Variants in GABRA4 observed in about 807,000 individuals in gnomAD.
GABRA4 encodes the protein gamma-aminobutyric acid receptor subunit alpha-4.
In GABRA4, 12 loss-of-function variants were observed where a neutral mutation model predicts 49.7. The ratio of observed to expected loss-of-function variants is 0.24; its 90% CI spans 0.15 to 0.39. GABRA4 has a LOEUF of 0.39. Among genes scored for constraint, GABRA4 ranks in the 10% least tolerant of loss-of-function variants. The pLI is 1.00. For missense variants in GABRA4, 506 were observed against 686.0 expected (o/e 0.74, Z 2.93); for synonymous variants, 288 against 240.2 (o/e 1.20, Z -1.84).
At chr4:46,930,672 T>C (rs1321190756) in intron 8 of GABRA4, among the ~76,000 whole-genome samples, 1 of 151,286 alleles carries the variant, frequency 6.6e-6, no homozygotes, top group Non-Finnish European at 1.5e-5. Flanking sequence ...TTGCATACCA[T>C]CTTCTTCTTT....
rs1348449602 is a variant in GABRA4 at position 46,992,641 on chromosome 4, G to T, written c.205+187C>A. ...GAGGCAAAGCTTCTGAGGGGGCAGG[G>T]AGATGGGAAAGTACGGGTGGAGGCG... is the stretch of plus-strand genomic sequence containing the variant. On this transcript the variant is annotated intron_variant, in intron 2 of 8. Transcript: ENST00000264318. 3 of 598,662 alleles carry T rather than the reference G, an allele frequency of 5.0e-6. No homozygotes were observed. The South Asian group carries it at 6.2e-5, about 12-fold the overall frequency. The allele number at this position is 598,662 out of a possible 1,614,324, so 37.1% of individuals were successfully genotyped here. A position where few individuals can be genotyped will look rare whatever the true frequency, so the allele number is the denominator to read the frequency against.
At chr4:46,937,484 G>C (rs1046244952) in intron 8 of GABRA4, among the ~76,000 whole-genome samples, 2 of 151,946 alleles carry the variant, frequency 1.3e-5, no homozygotes, top group African/African-American at 4.8e-5. Context: ...CTTCTTTCAG[G>C]TATTTTCTTT....
Position 46,964,958 on chromosome 4 carries a change from T to C in GABRA4, c.1134+12A>G. 1 of 1,565,866 alleles carries C rather than the reference T, an allele frequency of 6.4e-7. No homozygotes were observed. ...CTAAAATCTTAAACTGAAGGTGGAT[T>C]AAGTCAAATACCTGCAGAGGGGCTT... On this transcript the variant is annotated intron_variant, in intron 8 of 8. Transcript: ENST00000264318.
At chr4:46,938,853 T>C (rs533320873) in intron 8 of GABRA4, among the ~76,000 whole-genome samples, 2 of 152,094 alleles carry the variant, frequency 1.3e-5, no homozygotes, top group African/African-American at 2.4e-5. Flanking sequence ...CATTCAACTG[T>C]TTCAAGTTAT....
intron 8 of GABRA4, among the ~76,000 whole-genome samples, chr4:46,945,059 G>C (rs933027310): frequency 6.6e-6 from 1 of 152,152 alleles, no homozygotes; most frequent in Non-Finnish European, 1.5e-5. Context: ...CACACAATGT[G>C]TTTAGGAAGT....
chr4:46,993,032 A>G, intron 1 of GABRA4, 86 bp from the exon 2 acceptor site: 1 of 1,042,126 alleles, frequency 9.6e-7, no homozygotes, highest in Non-Finnish European at 1.5e-6. Context: ...TTTGTTTTCT[A>G]GGGAAAGAGT....
chr4:46,967,996 G>C (rs1404187605), intron 7 of GABRA4, among the ~76,000 whole-genome samples: 1 of 151,642 alleles, frequency 6.6e-6, no homozygotes, highest in African/African-American at 2.4e-5. Context: ...GGCCTTTGGA[G>C]AGATTTTTAG....
chr4:46,953,696 C>T (rs538847501), intron 8 of GABRA4, among the ~76,000 whole-genome samples: 3 of 152,204 alleles, frequency 2.0e-5, no homozygotes, highest in Admixed American at 1.3e-4. Context: ...TCTCTGACCG[C>T]TTTCTACGTA....
chr4:46,937,121 G>C (rs958344145), intron 8 of GABRA4, among the ~76,000 whole-genome samples: 1 of 152,132 alleles, frequency 6.6e-6, no homozygotes, highest in Non-Finnish European at 1.5e-5. Flanking sequence ...CATGGAACTG[G>C]TGCCCTCATA....
intron 7 of GABRA4, among the ~76,000 whole-genome samples, chr4:46,970,118 C>A (rs146308413): frequency 6.6e-6 from 1 of 151,296 alleles, no homozygotes; most frequent in African/African-American, 2.4e-5. Flanking sequence ...CTAAGACACC[C>A]TAATCAATAG....
chr4:46,956,896 G>A (rs1722386997), intron 8 of GABRA4, among the ~76,000 whole-genome samples: 1 of 151,972 alleles, frequency 6.6e-6, no homozygotes, highest in Non-Finnish European at 1.5e-5. Flanking sequence ...GGGAAAATAA[G>A]TGTGCTGTAT....
chr4:46,953,367 T>C (rs951471063), intron 8 of GABRA4, among the ~76,000 whole-genome samples: 1 of 152,162 alleles, frequency 6.6e-6, no homozygotes, highest in Admixed American at 6.6e-5. Flanking sequence ...TGTCTCCTGA[T>C]GTAGTATTTC....
At chr4:46,941,322 G>A (rs1721780514) in intron 8 of GABRA4, among the ~76,000 whole-genome samples, 2 of 152,012 alleles carry the variant, frequency 1.3e-5, no homozygotes, top group Admixed American at 6.6e-5. Flanking sequence ...ATAGATTCAA[G>A]TTTTGGACTT....
At chr4:46,944,521 G>A (rs1334093290) in intron 8 of GABRA4, among the ~76,000 whole-genome samples, 3 of 152,092 alleles carry the variant, frequency 2.0e-5, no homozygotes, top group African/African-American at 7.2e-5. Flanking sequence ...CCTTGCAACA[G>A]AGTCTGCTCT....
rs1721145721 is a variant in GABRA4 at position 46,924,635 on chromosome 4, T to C, written c.*3590A>G. 1 of 152,048 alleles carries C rather than the reference T, an allele frequency of 6.6e-6. No homozygotes were observed. Among genetic ancestry groups the C allele is most frequent in the Admixed American group, 6.6e-5 (1 of 15,240 alleles). The allele number at this position is 152,048 out of a possible 1,614,324, so 9.4% of individuals were successfully genotyped here. ...GTCTTCCCTGGGGAAGAATATACTT[T>C]ATCTAAATGGAGAGATGTTATATAT... On this transcript the variant is annotated 3_prime_UTR_variant, in exon 9 of 9. Coordinates refer to ENST00000264318, the MANE Select transcript of GABRA4 (RefSeq NM_000809.4).
chr4:46,990,246 G>A (rs1443751873), intron 2 of GABRA4, among the ~76,000 whole-genome samples: 3 of 152,178 alleles, frequency 2.0e-5, no homozygotes, highest in Non-Finnish European at 4.4e-5. Flanking sequence ...AATGTTTTCA[G>A]GTGGGTAATG....
intron 2 of GABRA4, among the ~76,000 whole-genome samples, chr4:46,985,299 G>C (rs551158873): frequency 6.6e-6 from 1 of 151,924 alleles, no homozygotes; most frequent in Non-Finnish European, 1.5e-5. Flanking sequence ...TATTTTGGAC[G>C]GAGAAGACAG....
At chr4:46,958,661 G>T (rs562998840) in intron 8 of GABRA4, among the ~76,000 whole-genome samples, 6 of 151,826 alleles carry the variant, frequency 4.0e-5, no homozygotes, top group Non-Finnish European at 8.8e-5. Context: ...CTTCTGAGAC[G>T]CCCAAAGACA....
chr4:46,977,696 G>T, intron 3 of GABRA4, 66 bp from the exon 4 acceptor site: 1 of 1,073,732 alleles, frequency 9.3e-7, no homozygotes, highest in Non-Finnish European at 1.4e-6. Context: ...TGAAAATAAT[G>T]CATTAAATTC....
Sources: gnomAD v4.1 joint callset for allele counts (sites outside exome capture counted in the v4.1 genomes callset) on GRCh38, gnomAD v4.1.1 for gene constraint, MANE v1.5 for transcripts, NCBI Gene and HGNC (gene_info 2026-07-23, HGNC 2026-07-21) for gene names.